Variants in SPAG9 observed in about 807,000 individuals in gnomAD.
SPAG9 encodes sperm associated antigen 9.
A neutral mutation model predicts 166.5 loss-of-function variants in SPAG9; 35 were observed. The observed-to-expected ratio is 0.21, with a 90% CI of 0.16 to 0.28. The LOEUF is 0.28. SPAG9 is among the 10% of genes least tolerant of loss of function. The pLI, the probability that SPAG9 is intolerant of heterozygous loss-of-function variation, is 1.00. For synonymous variants in SPAG9, 534 were observed against 565.5 expected, an observed-to-expected ratio of 0.94 and a Z score of 0.79; for missense variants, 1,235 against 1,603.3, an observed-to-expected ratio of 0.77 and a Z score of 3.92.
chr17:51,012,927 C>T (rs1027136309), intron 9 of SPAG9, among the ~76,000 whole-genome samples: 75 of 151,506 alleles, frequency 5.0e-4, no homozygotes, highest in African/African-American at 1.6e-3. Flanking sequence ...TGATATTTTT[C>T]GCCATGTTGC....
intron 1 of SPAG9, among the ~76,000 whole-genome samples, chr17:51,089,513 C>G (rs969922879): frequency 5.4e-5 from 8 of 148,470 alleles, no homozygotes; most frequent in Admixed American, 1.4e-4. Context: ...ATCCATGTAA[C>G]CAAAAACTAC....
In SPAG9 at chr17:51,021,359, GCTCATC is replaced by G. The variant is rs1322568866; in HGVS notation, c.784_789del (p.Asp262_Glu263del). On this transcript the variant is annotated inframe_deletion and splice_region_variant, in exon 7 of 30. Coordinates refer to ENST00000262013, the MANE Select transcript of SPAG9 (RefSeq NM_001130528.3). ...GATCCGCCTTGGCTAACATCAGAAAGCTCATCCTACAAATAAAAATAATTTAAAATA... is the reference window on the plus strand; with the variant it reads ...GATCCGCCTTGGCTAACATCAGAAAGCTACAAATAAAAATAATTTAAAATA... 3.1e-6 allele frequency: 5 copies of G among 1,603,190 alleles called. No individual in the cohort carries two copies. In the African/African-American group the frequency reaches 5.4e-5, roughly 17 times the overall value.
Position 51,077,050 on chromosome 17 carries a change from C to CTA in SPAG9, c.424+2532_424+2533dup, listed in dbSNP as rs1416150259. Reference sequence around the variant, plus strand: ...GCTATCTATCTAGCTATCTAGCTATCTAGCTAGCTATCTAGCTAGCTATCT... The same window carrying CTA: ...GCTATCTATCTAGCTATCTAGCTATCTATAGCTAGCTATCTAGCTAGCTATCT... On this transcript the variant is annotated intron_variant, in intron 2 of 29. Transcript: ENST00000262013. 1.3e-4 allele frequency among the ~76,000 whole-genome samples: 9 copies of CTA among 67,156 alleles called. No homozygotes were observed. In the East Asian group the frequency reaches 3.4e-3, roughly 25 times the overall value. 44.1% of individuals were successfully genotyped at this position (67,156 alleles called of 152,430 possible).
chr17:51,106,102 TAC>T (rs71149344), intron 1 of SPAG9, among the ~76,000 whole-genome samples: 19,962 of 110,204 alleles, frequency 0.18, 1,709 homozygotes, highest in Admixed American at 0.26. Context: ...CCCCCATCTC[TAC>T]ACACACACAC....
At chr17:50,985,337 A>AT (rs989720451) in intron 23 of SPAG9, among the ~76,000 whole-genome samples, 5 of 152,166 alleles carry the variant, frequency 3.3e-5, no homozygotes, top group Non-Finnish European at 5.9e-5. Context: ...AAACTGTCTG[A>AT]TTTTTTTACA....
intron 2 of SPAG9, among the ~76,000 whole-genome samples, chr17:51,072,458 G>A (rs1389571855): frequency 4.1e-5 from 6 of 148,078 alleles, no homozygotes; most frequent in East Asian, 2.1e-4. Context: ...CAAGGTGAGC[G>A]TATCACCTGA....
chr17:51,011,470 C>T (rs2144074649), intron 9 of SPAG9, among the ~76,000 whole-genome samples: 1 of 151,782 alleles, frequency 6.6e-6, no homozygotes, highest in Non-Finnish European at 1.5e-5. Flanking sequence ...GCAACCTCCA[C>T]CTCCCAGGTT....
chr17:50,995,032 G>A (rs1215203858), intron 18 of SPAG9, 25 bp downstream of exon 18: 1 of 1,581,334 alleles, frequency 6.3e-7, no homozygotes, highest in Non-Finnish European at 8.6e-7. Flanking sequence ...CATAAACCAG[G>A]TCAAATGTTA....
chr17:51,095,934 T>C (rs993230642), intron 1 of SPAG9, among the ~76,000 whole-genome samples: 4 of 133,028 alleles, frequency 3.0e-5, no homozygotes, highest in African/African-American at 9.0e-5. Flanking sequence ...GTGATATATA[T>C]AGTGATATAG....
chr17:51,048,462 T>A (rs2047091583), intron 3 of SPAG9, among the ~76,000 whole-genome samples: 1 of 151,986 alleles, frequency 6.6e-6, no homozygotes, highest in African/African-American at 2.4e-5. Flanking sequence ...TTTTTTAATG[T>A]CCCTTCTCAC....
intron 1 of SPAG9, among the ~76,000 whole-genome samples, chr17:51,099,759 TAAAAAAAAAA>T (rs58721041): frequency 1.1e-4 from 5 of 43,630 alleles, no homozygotes; most frequent in African/African-American, 3.5e-4. Flanking sequence ...CTTCTATTAC[TAAAAAAAAAA>T]AAAAAAAAAA....
intron 2 of SPAG9, among the ~76,000 whole-genome samples, chr17:51,077,093 T>TCTATCTAG (rs1555655359): frequency 1.8e-5 from 1 of 56,070 alleles, no homozygotes; most frequent in Non-Finnish European, 4.2e-5. Flanking sequence ...TAGCTAGCTA[T>TCTATCTAG]CTATCTAGCT....
chr17:51,106,235 C>T (rs186053499), intron 1 of SPAG9, among the ~76,000 whole-genome samples: 4 of 151,270 alleles, frequency 2.6e-5, no homozygotes, highest in African/African-American at 7.3e-5. Flanking sequence ...CCCAGGAATT[C>T]GAGGCTGCAG....
At chr17:51,012,802 C>T (rs934701323) in intron 9 of SPAG9, among the ~76,000 whole-genome samples, 78 of 151,052 alleles carry the variant, frequency 5.2e-4, no homozygotes, top group African/African-American at 1.9e-3. Flanking sequence ...GGCTGGAGTG[C>T]AGTGGTGCAA....
At chr17:51,099,759 T>TAAAAAAAAAAAA (rs58721041) in intron 1 of SPAG9, among the ~76,000 whole-genome samples, 1 of 43,630 alleles carries the variant, frequency 2.3e-5, no homozygotes. Context: ...CTTCTATTAC[T>TAAAAAAAAAAAA]AAAAAAAAAA....
In SPAG9 at chr17:51,029,461, T is replaced by C. The variant is rs138491685; in HGVS notation, c.783+2220A>G. ...ATCATCCAGCAATCTCACTTCTGGG[T>C]ATGTATTCACAAAAGCATTATTCGT... On this transcript the variant is annotated intron_variant, in intron 6 of 29. Coordinates refer to ENST00000262013, the MANE Select transcript of SPAG9 (RefSeq NM_001130528.3). Among the ~76,000 whole-genome samples, 83 of 152,298 alleles carry C rather than the reference T, an allele frequency of 5.4e-4. 1 individual carries two copies. Among genetic ancestry groups the C allele is most frequent in the Middle Eastern group, 3.4e-3 (1 of 294 alleles).
At chr17:51,004,826 T>A (rs1347131176) in intron 12 of SPAG9, among the ~76,000 whole-genome samples, 1 of 152,248 alleles carries the variant, frequency 6.6e-6, no homozygotes, top group Non-Finnish European at 1.5e-5. Flanking sequence ...AATTGACTAG[T>A]ACTAAAGTTC....
intron 4 of SPAG9, among the ~76,000 whole-genome samples, chr17:51,044,274 T>A (rs928305447): frequency 2.0e-5 from 3 of 152,174 alleles, no homozygotes; most frequent in Admixed American, 6.5e-5. Context: ...TTGGCATGCA[T>A]TAAATGCTTC....
chr17:51,094,958 T>C (rs960101149), intron 1 of SPAG9, among the ~76,000 whole-genome samples: 3 of 152,152 alleles, frequency 2.0e-5, no homozygotes, highest in Non-Finnish European at 4.4e-5. Flanking sequence ...ATGTAAAACA[T>C]GCTCAAGCAC....
Sources: allele counts gnomAD v4.1 joint callset (sites outside exome capture counted in the v4.1 genomes callset), GRCh38; gene constraint gnomAD v4.1.1; transcripts MANE v1.5; gene names NCBI Gene and HGNC (gene_info 2026-07-23, HGNC 2026-07-21).